Variants in EML4 observed in about 807,000 individuals in gnomAD.
EML4 encodes echinoderm microtubule-associated protein-like 4.
Under a neutral mutation model 129.0 loss-of-function variants are expected in EML4, and 72 were observed. The ratio of observed to expected loss-of-function variants is 0.56; its 90% CI spans 0.46 to 0.68. The LOEUF is 0.68. Among genes scored for constraint, EML4 ranks in the 30% least tolerant of loss-of-function variants. The probability of loss-of-function intolerance (pLI) is 0.00; values close to 1 mark genes in which losing one functional copy is unlikely to be tolerated. For synonymous variants in EML4, 532 were observed against 405.0 expected (o/e 1.31, Z -3.77); for missense variants, 1,363 against 1,190.6 (o/e 1.14, Z -2.13).
At chr2:42,206,223 TA>T (rs1316835668) in intron 1 of EML4, among the ~76,000 whole-genome samples, 2 of 152,202 alleles carry the variant, frequency 1.3e-5, no homozygotes, top group African/African-American at 4.8e-5. Context: ...TTAATTAATA[TA>T]TTTTTTAGAG....
At chr2:42,260,723 A>G (rs1022017736) in intron 3 of EML4, among the ~76,000 whole-genome samples, 2 of 152,248 alleles carry the variant, frequency 1.3e-5, no homozygotes, top group East Asian at 3.8e-4. Flanking sequence ...GAATTGGAGA[A>G]TAACCTATTA....
chr2:42,177,803 G>A (rs769841441), intron 1 of EML4, among the ~76,000 whole-genome samples: 95 of 152,254 alleles, frequency 6.2e-4, no homozygotes, highest in South Asian at 1.2e-3. Context: ...CAGTTTAGTC[G>A]TGGTCAGGAC....
chr2:42,279,900 G>T (rs372652410), intron 6 of EML4, among the ~76,000 whole-genome samples: 1 of 151,948 alleles, frequency 6.6e-6, no homozygotes, highest in African/African-American at 2.4e-5. Flanking sequence ...TTGTATACCT[G>T]TTGGCCATTT....
intron 1 of EML4, among the ~76,000 whole-genome samples, chr2:42,228,620 G>C (rs1056684124): frequency 1.3e-5 from 2 of 152,124 alleles, no homozygotes; most frequent in Non-Finnish European, 2.9e-5. Flanking sequence ...AATTTCTCAT[G>C]AGTATTTTGC....
chr2:42,217,422 C>A (rs186005579), intron 1 of EML4, among the ~76,000 whole-genome samples: 2 of 152,212 alleles, frequency 1.3e-5, no homozygotes, highest in Non-Finnish European at 2.9e-5. Context: ...AACCCACATT[C>A]TTCATGTTAT....
chr2:42,241,990 C>T (rs536865178), intron 1 of EML4, among the ~76,000 whole-genome samples: 1 of 152,226 alleles, frequency 6.6e-6, no homozygotes, highest in East Asian at 1.9e-4. Context: ...CAGTGTCTAT[C>T]AGGGTTTGGT....
chr2:42,312,214 TTTAG>T (rs1668991932), intron 17 of EML4, among the ~76,000 whole-genome samples: 1 of 152,140 alleles, frequency 6.6e-6, no homozygotes, highest in South Asian at 2.1e-4. Flanking sequence ...TATGAATGTG[TTTAG>T]TTAGAGATTT....
At chr2:42,232,594 T>C (rs1372858077) in intron 1 of EML4, among the ~76,000 whole-genome samples, 2 of 152,368 alleles carry the variant, frequency 1.3e-5, no homozygotes, top group Admixed American at 1.3e-4. Context: ...TGTTAATCTT[T>C]CAAGTAACTC....
intron 2 of EML4, among the ~76,000 whole-genome samples, chr2:42,251,724 TAGA>T (rs913356692): frequency 1.5e-4 from 23 of 152,186 alleles, no homozygotes; most frequent in African/African-American, 5.1e-4. Context: ...TCAAGATAAA[TAGA>T]AGATTTGGGA....
At chr2:42,326,290 G>T in intron 21 of EML4, 38 bp downstream of exon 21, 1 of 1,424,268 alleles carries the variant, frequency 7.0e-7, no homozygotes, top group South Asian at 1.2e-5. Context: ...AGTGGTTTGT[G>T]GGTTTTTTAT....
rs562615126 is a variant in EML4 at position 42,321,047 on chromosome 2, G to A, written c.2154+3523G>A. 1.4e-4 allele frequency among the ~76,000 whole-genome samples: 22 copies of A among 152,208 alleles called. No individual in the cohort carries two copies. The South Asian group carries it at 4.1e-3, about 29-fold the overall frequency. ...ATCCTGAAGTTAATGCAGGATTTCAGTAAGGTAATAGAATTCAGTATCACT... is the reference window on the plus strand; with the variant it reads ...ATCCTGAAGTTAATGCAGGATTTCAATAAGGTAATAGAATTCAGTATCACT... On this transcript the variant is annotated intron_variant, in intron 19 of 22. Transcript: ENST00000318522.
At chr2:42,207,459 T>G (rs1672628481) in intron 1 of EML4, among the ~76,000 whole-genome samples, 1 of 152,204 alleles carries the variant, frequency 6.6e-6, no homozygotes, top group Non-Finnish European at 1.5e-5. Context: ...TTTAAAAATA[T>G]GATTTTCTCA....
chr2:42,322,947 G>T (rs918188056), intron 19 of EML4, among the ~76,000 whole-genome samples: 8 of 152,078 alleles, frequency 5.3e-5, no homozygotes, highest in African/African-American at 1.9e-4. Context: ...TAAATTTGGG[G>T]ACTTCTCCTA....
chr2:42,245,415 G>T lies in EML4; in HGVS notation c.26-90G>T, dbSNP rs887134451. Reference sequence around the variant, plus strand: ...CTAGCCAGAATTTTTCTCATCTTTTGTAAGTCTTATGTGGGATGGTTTTTC... The same window carrying T: ...CTAGCCAGAATTTTTCTCATCTTTTTTAAGTCTTATGTGGGATGGTTTTTC... On this transcript the variant is annotated intron_variant, in intron 1 of 22. Transcript: ENST00000318522. The T allele has an allele frequency of 4.7e-5, 59 of 1,264,918 alleles. No homozygotes were observed. In the Admixed American group the frequency reaches 1.3e-3, roughly 27 times the overall value. The allele number at this position is 1,264,918 out of a possible 1,614,324, so 78.4% of individuals were successfully genotyped here. A position where few individuals can be genotyped will look rare whatever the true frequency, so the allele number is the denominator to read the frequency against.
intron 6 of EML4, among the ~76,000 whole-genome samples, chr2:42,279,006 G>C (rs1249705883): frequency 6.6e-6 from 1 of 152,128 alleles, no homozygotes; most frequent in Non-Finnish European, 1.5e-5. Context: ...GACTGTCGCA[G>C]ATCTTATAAA....
chr2:42,263,523 G>A (rs1348809278), intron 5 of EML4, among the ~76,000 whole-genome samples: 2 of 147,122 alleles, frequency 1.4e-5, no homozygotes, highest in Non-Finnish European at 3.0e-5. Context: ...TCCTGCCTCG[G>A]CCTCCCAAGT....
chr2:42,265,510 G>A (rs1358329862), intron 6 of EML4, among the ~76,000 whole-genome samples: 2 of 152,132 alleles, frequency 1.3e-5, no homozygotes, highest in Non-Finnish European at 2.9e-5. Flanking sequence ...AAAATGCTGG[G>A]ATTATAGGCA....
chr2:42,184,360 A>G (rs1671121773), intron 1 of EML4, among the ~76,000 whole-genome samples: 1 of 148,032 alleles, frequency 6.8e-6, no homozygotes, highest in African/African-American at 2.5e-5. Context: ...CATTAGGTAT[A>G]TCTCCTAATG....
intron 1 of EML4, among the ~76,000 whole-genome samples, chr2:42,186,548 C>T (rs969820103): frequency 2.0e-5 from 3 of 152,214 alleles, no homozygotes; most frequent in African/African-American, 7.2e-5. Context: ...TCCTACCTCA[C>T]ATCACTGACA....
Sources: gnomAD v4.1 joint callset for allele counts (sites outside exome capture counted in the v4.1 genomes callset) on GRCh38, gnomAD v4.1.1 for gene constraint, MANE v1.5 for transcripts, NCBI Gene and HGNC (gene_info 2026-07-23, HGNC 2026-07-21) for gene names.